PTPRS: variants seen among roughly 807,000 people sequenced by gnomAD.
PTPRS encodes protein tyrosine phosphatase receptor type S.
PTPRS carries 63 observed loss-of-function variants against 215.3 expected under a neutral mutation model. The observed-to-expected ratio is 0.29, with a 90% CI of 0.24 to 0.36. PTPRS has a LOEUF of 0.36. PTPRS is among the 10% of genes least tolerant of loss of function. PTPRS has a pLI of 1.00. For missense variants in PTPRS, 2,258 were observed against 2,825.8 expected (o/e 0.80, Z 4.56); for synonymous variants, 1,404 against 1,191.4 (o/e 1.18, Z -3.68).
In PTPRS at chr19:5,219,602, G is replaced by A. The variant is rs1253509854; in HGVS notation, c.3766-135C>T. On this transcript the variant is annotated intron_variant, in intron 22 of 37. Transcript: ENST00000262963. ...TATTCCTAGAACCTTGACCCTGGTG[G>A]CCTATGTGACCTGGTCCCTGCCAAT... 6.9e-6 allele frequency: 8 copies of A among 1,152,256 alleles called. No homozygotes were observed. In the East Asian group the frequency reaches 1.9e-4, roughly 27 times the overall value. The allele number at this position is 1,152,256 out of a possible 1,614,324, so 71.4% of individuals were successfully genotyped here. A position where few individuals can be genotyped will look rare whatever the true frequency, so the allele number is the denominator to read the frequency against.
At chr19:5,292,158 C>A (rs1156922608) in intron 1 of PTPRS, among the ~76,000 whole-genome samples, 2 of 152,162 alleles carry the variant, frequency 1.3e-5, no homozygotes, top group African/African-American at 4.8e-5. Flanking sequence ...AAGCCCTTTT[C>A]CCACCCCAGG....
Position 5,218,897 on chromosome 19 carries a change from T to G in PTPRS, c.3924-99A>C, listed in dbSNP as rs2041730792. 5.5e-6 allele frequency: 7 copies of G among 1,264,022 alleles called. No homozygotes were observed. In the East Asian group the frequency reaches 1.4e-4, roughly 25 times the overall value. The allele number at this position is 1,264,022 out of a possible 1,614,324, so 78.3% of individuals were successfully genotyped here. On this transcript the variant is annotated intron_variant, in intron 23 of 37. Transcript: ENST00000262963. ...GCTTGTTCTGTGACTCTCAGTGCCT[T>G]CCTTAACCTCTGTGAGCTTTGGTCT...
At position 5,212,167 on chromosome 19, in the gene PTPRS, T is replaced by C. The variant is rs1393306881; in HGVS notation, c.4853A>G (p.Tyr1618Cys). The C allele has an allele frequency of 1.2e-6, 2 of 1,613,964 alleles. No individual in the cohort carries two copies. The highest frequency in any genetic ancestry group is 1.3e-5 in the African/African-American group (1 of 74,952). Residue 1618 changes from tyrosine (Y) to cysteine (C), a missense_variant, in exon 32 of 38, where the codon TAT becomes TGT. Physicochemically the swap from Tyr to Cys is radical, Grantham distance 194. Transcript: ENST00000262963. The part of the protein sequence containing the change: ...RIKPEKTVDV[Y>C]GHVTLMRSQR... ...GGACCTCATGAGCGTCACGTGGCCA[T>C]AGACATCGACTGTCTTCTCTGGCTT...
At chr19:5,212,574 T>C in intron 30 of PTPRS, 83 bp from the exon 31 acceptor site, 1 of 1,483,624 alleles carries the variant, frequency 6.7e-7, no homozygotes, top group Non-Finnish European at 9.1e-7. Flanking sequence ...CCGGGTGTGG[T>C]GGCTCATGCC....
At chr19:5,274,121 G>C in intron 3 of PTPRS, 78 bp downstream of exon 3, 1 of 1,539,054 alleles carries the variant, frequency 6.5e-7, no homozygotes, top group Non-Finnish European at 8.8e-7. Context: ...TGTCCACGAA[G>C]TCCACTGTGG....
chr19:5,316,364 C>T (rs35180445), intron 1 of PTPRS, among the ~76,000 whole-genome samples: 16,834 of 152,230 alleles, frequency 0.11, 977 homozygotes, highest in Non-Finnish European at 0.14. Context: ...GCCTCTTGCC[C>T]CAGATTTGCT....
chr19:5,249,481 G>A (rs2044804271), intron 9 of PTPRS, among the ~76,000 whole-genome samples: 2 of 152,190 alleles, frequency 1.3e-5, no homozygotes, highest in East Asian at 3.9e-4. Flanking sequence ...AAGACTAGAT[G>A]GAACTCACAG....
intron 30 of PTPRS, 27 bp downstream of exon 30, chr19:5,214,334 A>T: frequency 6.2e-7 from 1 of 1,613,750 alleles, no homozygotes; most frequent in Non-Finnish European, 8.5e-7. Context: ...CTCCACCCTC[A>T]GCCCCCAGCC....
intron 35 of PTPRS, among the ~76,000 whole-genome samples, chr19:5,208,953 A>G (rs570788725): frequency 6.6e-6 from 1 of 152,162 alleles, no homozygotes; most frequent in African/African-American, 2.4e-5. Context: ...CACTGTCCAT[A>G]GCTCATCAAT....
intron 13 of PTPRS, among the ~76,000 whole-genome samples, 174 bp from the exon 14 acceptor site, chr19:5,231,789 T>A (rs1375403724): frequency 4.6e-5 from 2 of 43,730 alleles, no homozygotes; most frequent in Non-Finnish European, 9.5e-5. Flanking sequence ...CAACCAAAGG[T>A]GGGATGGGCG....
At chr19:5,329,843 G>A (rs1488908108) in intron 1 of PTPRS, among the ~76,000 whole-genome samples, 5 of 151,944 alleles carry the variant, frequency 3.3e-5, no homozygotes, top group African/African-American at 7.3e-5. Flanking sequence ...TTGAGAGGCC[G>A]AGGTGTGTGG....
chr19:5,238,779 C>G (rs1032899724), intron 13 of PTPRS, 140 bp downstream of exon 13: 1 of 1,202,324 alleles, frequency 8.3e-7, no homozygotes, highest in African/African-American at 1.6e-5. Flanking sequence ...GATCCGAGGT[C>G]GGGGAACAAA....
Position 5,274,206 on chromosome 19 carries a change from C to T in PTPRS, c.230G>A (p.Arg77His). Residue 77 changes from arginine (R) to histidine (H), a missense_variant, in exon 3 of 38, where the codon CGC (arginine) becomes CAC (histidine). Arg to His is a conservative substitution (Grantham distance 29). This residue lies in a region of PTPRS where 508 missense variants were observed against 799.4 expected (regional missense o/e 0.64). Transcript: ENST00000262963. ...CCCCCTACCCCAACTCACCTCAAAG[C>T]GCTGAGAGTTGACCTTCTTGCCCTT... The part of the protein sequence containing the change: ...NKKGKKVNSQ[R>H]FETIEFDESA... 1 of 1,613,172 alleles carries T rather than the reference C, an allele frequency of 6.2e-7. No homozygotes were observed. Among genetic ancestry groups the T allele is most frequent in the Non-Finnish European group, 8.5e-7 (1 of 1,179,228 alleles).
chr19:5,208,699 C>A (rs1180075082), intron 35 of PTPRS, among the ~76,000 whole-genome samples: 1 of 152,062 alleles, frequency 6.6e-6, no homozygotes, highest in African/African-American at 2.4e-5. Context: ...GACAACTTAC[C>A]GTCCTTCACA....
chr19:5,256,913 GAAC>G (rs1180757624), intron 8 of PTPRS, among the ~76,000 whole-genome samples: 2 of 151,976 alleles, frequency 1.3e-5, no homozygotes, highest in East Asian at 1.9e-4. Context: ...CCTGGATGGA[GAAC>G]AACTAGGGCT....
In PTPRS at chr19:5,243,997, G is replaced by A. The variant is rs148079367; in HGVS notation, c.1474C>T (p.Leu492=). 127 of 1,469,740 alleles carry A rather than the reference G, an allele frequency of 8.6e-5. No individual in the cohort carries two copies. The highest frequency in any genetic ancestry group is 9.7e-5 in the Non-Finnish European group (107 of 1,104,654). The allele number at this position is 1,469,740 out of a possible 1,614,324, so 91.0% of individuals were successfully genotyped here. A position where few individuals can be genotyped will look rare whatever the true frequency, so the allele number is the denominator to read the frequency against. The part of the protein sequence containing the change: ...DSLLTTVGSL[L]EDETYTVRVL... The stretch of plus-strand genomic sequence containing the variant: ...CGCACGGTGTAGGTCTCGTCCTCCA[G>A]CAGGCTGCCCACGGTGGTCAGCAGG... The change falls in exon 11 of 38, where the codon CTG becomes TTG. Residue 492 remains leucine, a synonymous_variant. Transcript: ENST00000262963.
chr19:5,285,195 G>C (rs1335243136), intron 2 of PTPRS, among the ~76,000 whole-genome samples: 2 of 152,162 alleles, frequency 1.3e-5, no homozygotes, highest in African/African-American at 4.8e-5. Flanking sequence ...TGAGCCACTA[G>C]CCCGGGGTTG....
At chr19:5,281,915 C>T (rs370540150) in intron 2 of PTPRS, among the ~76,000 whole-genome samples, 1 of 152,186 alleles carries the variant, frequency 6.6e-6, no homozygotes, top group Non-Finnish European at 1.5e-5. Flanking sequence ...CCCAGGGTCC[C>T]GTCCTCCTCC....
At position 5,257,470 on chromosome 19, in the gene PTPRS, G is replaced by T; in HGVS notation, c.706+547C>A. Reference sequence around the variant, plus strand: ...GAAGAGGCAGAAGGCGCCGGGCTCCGGACCAGCTGGTGGGGGGTGGGAGGG... The same window carrying T: ...GAAGAGGCAGAAGGCGCCGGGCTCCTGACCAGCTGGTGGGGGGTGGGAGGG... On this transcript the variant is annotated intron_variant, in intron 8 of 37. Transcript: ENST00000262963. The surrounding 1 kb of genome is among the most constrained non-coding windows in gnomAD (Gnocchi z 4.4). 1 of 457,582 alleles carries T rather than the reference G, an allele frequency of 2.2e-6. No individual in the cohort carries two copies. The highest frequency in any genetic ancestry group is 1.5e-5 in the South Asian group (1 of 64,580). 28.3% of individuals were successfully genotyped at this position (457,582 alleles called of 1,614,324 possible).
Sources: gnomAD v4.1 joint callset for allele counts (sites outside exome capture counted in the v4.1 genomes callset) on GRCh38, gnomAD v4.1.1 for gene constraint, gnomAD v4.1.1 regional missense constraint, Gnocchi (gnomAD v3.1) non-coding constraint, MANE v1.5 for transcripts, NCBI Gene and HGNC (gene_info 2026-07-23, HGNC 2026-07-21) for gene names.